PCDHGA3: variants seen among roughly 807,000 people sequenced by gnomAD.
PCDHGA3 encodes the protein protocadherin gamma subfamily A, 3.
A neutral mutation model predicts 58.5 loss-of-function variants in PCDHGA3; 40 were observed. That is an observed-to-expected ratio of 0.68 (90% CI 0.53 to 0.89). The LOEUF (loss-of-function observed/expected upper bound fraction) is 0.89. Among genes scored for constraint, PCDHGA3 ranks in the 40% least tolerant of loss-of-function variants. The pLI, the probability that PCDHGA3 is intolerant of heterozygous loss-of-function variation, is 0.00. For missense variants in PCDHGA3, 1,223 were observed against 1,195.9 expected (o/e 1.02, Z -0.33); for synonymous variants, 530 against 525.7 (o/e 1.01, Z -0.11).
At chr5:141,478,412 TC>T in intron 1 of PCDHGA3, 2 of 1,611,958 alleles carry the variant, frequency 1.2e-6, no homozygotes, top group Non-Finnish European at 1.7e-6. Flanking sequence ...CACCACGGAC[TC>T]CCGCCGCAGC....
intron 1 of PCDHGA3, chr5:141,478,808 T>A: frequency 3.4e-6 from 5 of 1,459,124 alleles, no homozygotes; most frequent in Non-Finnish European, 4.5e-6. Context: ...TCTTTTGCTA[T>A]CACAACTAAC....
At chr5:141,406,421 A>G (rs981815055) in intron 1 of PCDHGA3, among the ~76,000 whole-genome samples, 2 of 152,222 alleles carry the variant, frequency 1.3e-5, no homozygotes, top group East Asian at 1.9e-4. Flanking sequence ...GAAAGCCCAG[A>G]TTTATTGCTT....
intron 1 of PCDHGA3, among the ~76,000 whole-genome samples, chr5:141,467,211 C>G (rs1288732759): frequency 6.6e-6 from 1 of 152,068 alleles, no homozygotes; most frequent in Non-Finnish European, 1.5e-5. Context: ...TGCCACCATG[C>G]CTGGCTAATT....
At chr5:141,366,368 A>G (rs1198628601) in intron 1 of PCDHGA3, 3 of 1,613,858 alleles carry the variant, frequency 1.9e-6, no homozygotes, top group South Asian at 2.2e-5. Context: ...CAGTATCAAG[A>G]CCCCCATTGA....
rs768074414 is a variant in PCDHGA3 at position 141,477,293 on chromosome 5, C to T, written c.2425-17514C>T. 8.1e-6 allele frequency: 13 copies of T among 1,614,180 alleles called. No homozygotes were observed. The highest frequency in any genetic ancestry group is 1.1e-5 in the Non-Finnish European group (13 of 1,180,036). ...CGGGCTGGTGACCTGCGAAGTTCCA[C>T]CGGGTCTCCCTTTCAGCCTTACTTC... On this transcript the variant is annotated intron_variant, in intron 1 of 3. Coordinates refer to ENST00000253812, the MANE Select transcript of PCDHGA3 (RefSeq NM_018916.4). This position sits in a 1 kb window ranked among gnomAD's most constrained non-coding sequence, Gnocchi z 4.9.
chr5:141,415,264 C>T, intron 1 of PCDHGA3: 3 of 1,614,210 alleles, frequency 1.9e-6, no homozygotes, highest in South Asian at 1.1e-5. Flanking sequence ...CACTCTGTAC[C>T]TGGTGGTAGC....
intron 1 of PCDHGA3, chr5:141,385,038 G>T (rs377185831): frequency 1.2e-6 from 2 of 1,614,020 alleles, no homozygotes; most frequent in Admixed American, 1.7e-5. Context: ...TACTGCTGGC[G>T]CTCAGGCTGC....
Position 141,431,615 on chromosome 5 carries a change from G to A in PCDHGA3, c.2425-63192G>A. 1.2e-6 allele frequency: 2 copies of A among 1,614,236 alleles called. No homozygotes were observed. Among genetic ancestry groups the A allele is most frequent in the Non-Finnish European group, 1.7e-6 (2 of 1,180,042 alleles). ...GAGGTATTCCTTCCGGTATGTGGACGACAAGGCGGCCCAAGTTTTCAAACT... is the reference window on the plus strand; with the variant it reads ...GAGGTATTCCTTCCGGTATGTGGACAACAAGGCGGCCCAAGTTTTCAAACT... On this transcript the variant is annotated intron_variant, in intron 1 of 3. Coordinates refer to ENST00000253812, the MANE Select transcript of PCDHGA3 (RefSeq NM_018916.4). The surrounding 1 kb of genome is among the most constrained non-coding windows in gnomAD (Gnocchi z 4.8).
At chr5:141,437,345 A>T (rs1018513998) in intron 1 of PCDHGA3, among the ~76,000 whole-genome samples, 2 of 152,252 alleles carry the variant, frequency 1.3e-5, no homozygotes, top group Non-Finnish European at 2.9e-5. Context: ...TCACTGTTTT[A>T]TAGTACCTAA....
Position 141,477,071 on chromosome 5 carries a change from G to T in PCDHGA3, c.2425-17736G>T. 6.2e-7 allele frequency: 1 copy of T among 1,614,226 alleles called. No individual in the cohort carries two copies. The highest frequency in any genetic ancestry group is 8.5e-7 in the Non-Finnish European group (1 of 1,180,030). ...GGACTTCGAGGACACCAAACTCCAT[G>T]AGATTTACATCCAGGCCAAAGACAA... is the stretch of plus-strand genomic sequence containing the variant. On this transcript the variant is annotated intron_variant, in intron 1 of 3. Coordinates refer to ENST00000253812, the MANE Select transcript of PCDHGA3 (RefSeq NM_018916.4). This position sits in a 1 kb window ranked among gnomAD's most constrained non-coding sequence, Gnocchi z 4.9.
chr5:141,407,591 C>T (rs878883569), intron 1 of PCDHGA3, among the ~76,000 whole-genome samples: 1 of 151,680 alleles, frequency 6.6e-6, no homozygotes, highest in Non-Finnish European at 1.5e-5. Flanking sequence ...CTTAATGTCT[C>T]ATCTTAAAAA....
intron 1 of PCDHGA3, among the ~76,000 whole-genome samples, chr5:141,348,033 C>CA (rs1758053454): frequency 1.3e-5 from 2 of 152,316 alleles, no homozygotes; most frequent in East Asian, 3.9e-4. Flanking sequence ...TCTCTTCCAA[C>CA]AATGGAATAG....
intron 1 of PCDHGA3, chr5:141,417,914 C>T: frequency 6.2e-7 from 1 of 1,602,320 alleles, no homozygotes; most frequent in Non-Finnish European, 8.5e-7. Context: ...GGTACTATTT[C>T]CTTTGCTGCT....
chr5:141,428,454 C>A, intron 1 of PCDHGA3: 1 of 365,394 alleles, frequency 2.7e-6, no homozygotes, highest in Non-Finnish European at 5.2e-6. Context: ...TTTTTCCCAA[C>A]TACAATGAGG....
chr5:141,350,819 A>G (rs1214337885), intron 1 of PCDHGA3: 3 of 1,614,028 alleles, frequency 1.9e-6, no homozygotes, highest in Non-Finnish European at 2.5e-6. Flanking sequence ...TGATGGAAGT[A>G]AATATCCGGT....
At chr5:141,503,474 T>C (rs2099820145) in intron 2 of PCDHGA3, among the ~76,000 whole-genome samples, 1 of 151,828 alleles carries the variant, frequency 6.6e-6, no homozygotes, top group South Asian at 2.1e-4. Context: ...ATGTGTGCAC[T>C]TGTCGTCCCA....
chr5:141,381,720 T>G (rs1777381403), intron 1 of PCDHGA3, among the ~76,000 whole-genome samples: 1 of 152,132 alleles, frequency 6.6e-6, no homozygotes, highest in Non-Finnish European at 1.5e-5. Context: ...CTCACAAGAC[T>G]GGGAGTGAGA....
In PCDHGA3 at chr5:141,432,973, G is replaced by T. The variant is rs150572360; in HGVS notation, c.2425-61834G>T. The T allele has an allele frequency of 3.7e-6, 6 of 1,614,096 alleles. 1 individual carries two copies. The highest frequency in any genetic ancestry group is 1.7e-5 in the Admixed American group (1 of 60,014). Reference sequence around the variant, plus strand: ...GCGGCTTGACAGGAGCGCCGGCGTCGCACTTTGTGGGCGTGGACGGGGTGC... The same window carrying T: ...GCGGCTTGACAGGAGCGCCGGCGTCTCACTTTGTGGGCGTGGACGGGGTGC... On this transcript the variant is annotated intron_variant, in intron 1 of 3. Coordinates refer to ENST00000253812, the MANE Select transcript of PCDHGA3 (RefSeq NM_018916.4). This position sits in a 1 kb window ranked among gnomAD's most constrained non-coding sequence, Gnocchi z 6.0.
At chr5:141,419,187 C>G (rs1179461161) in intron 1 of PCDHGA3, 4 of 1,614,024 alleles carry the variant, frequency 2.5e-6, no homozygotes, top group Non-Finnish European at 2.5e-6. Context: ...CTGCACATTA[C>G]TGACGTCAAT....
Sources: allele counts gnomAD v4.1 joint callset (sites outside exome capture counted in the v4.1 genomes callset), GRCh38; gene constraint gnomAD v4.1.1; non-coding constraint Gnocchi (gnomAD v3.1); transcripts MANE v1.5; gene names NCBI Gene and HGNC (gene_info 2026-07-23, HGNC 2026-07-21).